The following GALR1 variants were observed in gnomAD, a reference collection of about 807,000 sequenced individuals.
GALR1 encodes the protein galanin receptor type 1.
GALR1 carries 11 observed loss-of-function variants against 17.9 expected under a neutral mutation model. That is an observed-to-expected ratio of 0.62 (90% CI 0.39 to 1.02). The LOEUF is 1.02. Ranked by LOEUF, GALR1 falls within the 50% of genes least tolerant of loss-of-function variation. The probability of loss-of-function intolerance (pLI) is 0.01; values close to 1 mark genes in which losing one functional copy is unlikely to be tolerated. For missense variants in GALR1, 441 were observed against 456.9 expected (o/e 0.97, Z 0.32); for synonymous variants, 206 against 205.7 (o/e 1.00, Z -0.01).
rs1913061713 is a variant in GALR1 at position 77,271,350 on chromosome 18, TACTC to T, written c.*2450_*2453del. 6.6e-6 allele frequency: 1 copy of T among 151,686 alleles called. No individual in the cohort carries two copies. The highest frequency in any genetic ancestry group is 6.6e-5 in the Admixed American group (1 of 15,234). 9.4% of individuals were successfully genotyped at this position (151,686 alleles called of 1,614,324 possible). A position where few individuals can be genotyped will look rare whatever the true frequency, so the allele number is the denominator to read the frequency against. On this transcript the variant is annotated 3_prime_UTR_variant, in exon 3 of 3. Transcript: ENST00000299727. ...TATTGTCATTCTAATCAATTCCTCTTACTCAGAGTTTTGGCTGAGTCTACTTCTA... is the reference window on the plus strand; with the variant it reads ...TATTGTCATTCTAATCAATTCCTCTTAGAGTTTTGGCTGAGTCTACTTCTA...
At chr18:77,258,924 A>ATGGTCATGGTGGTGATGATGG (rs1456623781) in intron 2 of GALR1, among the ~76,000 whole-genome samples, 2 of 102,514 alleles carry the variant, frequency 2.0e-5, no homozygotes, top group African/African-American at 3.8e-5. Flanking sequence ...GGTGGTGATG[A>ATGGTCATGGTGGTGATGATGG]TGGTCATGGT....
chr18:77,258,633 G>A (rs984358239), intron 2 of GALR1, among the ~76,000 whole-genome samples: 32 of 149,074 alleles, frequency 2.1e-4, no homozygotes, highest in Admixed American at 4.6e-4. Context: ...GGTGATGGTG[G>A]TGATGGTGGT....
chr18:77,256,362 T>G (rs1308259199), intron 2 of GALR1, 139 bp downstream of exon 2: 5 of 565,630 alleles, frequency 8.8e-6, no homozygotes, highest in South Asian at 7.2e-5. Context: ...GAGATGAGCC[T>G]CCCACCGTTA....
chr18:77,257,349 A>G (rs1191141980), intron 2 of GALR1, among the ~76,000 whole-genome samples: 2 of 152,236 alleles, frequency 1.3e-5, no homozygotes, highest in Non-Finnish European at 2.9e-5. Flanking sequence ...TAACCACCTA[A>G]GAATACAAGG....
At chr18:77,264,849 T>C (rs1490849563) in intron 2 of GALR1, among the ~76,000 whole-genome samples, 1 of 152,158 alleles carries the variant, frequency 6.6e-6, no homozygotes, top group African/African-American at 2.4e-5. Context: ...GAGAATAGCA[T>C]GAAGGTAACT....
chr18:77,266,048 G>GT lies in GALR1; in HGVS notation c.733-2530dup, dbSNP rs562589980. Among the ~76,000 whole-genome samples the GT allele has an allele frequency of 1.9e-3, 288 of 152,158 alleles. 1 individual carries two copies. The highest frequency in any genetic ancestry group is 5.9e-3 in the African/African-American group (245 of 41,488). ...GCTTGAATTTCTCCTCCAAAAATGC[G>GT]TTTTTTTCTTTTCTATTGCATGATC... On this transcript the variant is annotated intron_variant, in intron 2 of 2. Coordinates refer to ENST00000299727, the MANE Select transcript of GALR1 (RefSeq NM_001480.4).
At position 77,271,397 on chromosome 18, in the gene GALR1, G is replaced by A. The variant is rs1325875658; in HGVS notation, c.*2495G>A. On this transcript the variant is annotated 3_prime_UTR_variant, in exon 3 of 3. Transcript: ENST00000299727. ...TACTTCTAAAACAAATTTTGATAGG[G>A]ATAATGACATCTTCTGCAAAGATCT... 6.6e-6 allele frequency: 1 copy of A among 152,116 alleles called. No homozygotes were observed. The highest frequency in any genetic ancestry group is 1.5e-5 in the Non-Finnish European group (1 of 68,038). The allele number at this position is 152,116 out of a possible 1,614,324, so 9.4% of individuals were successfully genotyped here. A position where few individuals can be genotyped will look rare whatever the true frequency, so the allele number is the denominator to read the frequency against.
At position 77,256,200 on chromosome 18, in the gene GALR1, A is replaced by T. The variant is rs762807305; in HGVS notation, c.709A>T (p.Lys237Ter). 4 of 1,593,664 alleles carry T rather than the reference A, an allele frequency of 2.5e-6. No individual in the cohort carries two copies. Among genetic ancestry groups the T allele is most frequent in the Non-Finnish European group, 3.4e-6 (4 of 1,161,688 alleles). The change falls in exon 2 of 3, where the codon AAG becomes TAG. Residue 237 changes from lysine (K) to a stop codon, truncating the protein, a stop_gained. Transcript: ENST00000299727. LOFTEE classifies it high-confidence loss of function. ...LHKKLKNMSKKSEASKKKTAQ... is the reference protein window; with the variant it reads ...LHKKLKNMSK ...TAAAAAGTTGAAGAACATGTCAAAG[A>T]AGTCTGAAGCATCCAAGAAAAAGGT... is the stretch of plus-strand genomic sequence containing the variant.
In GALR1 at chr18:77,271,246, A is replaced by AACCCCC. The variant is rs1913055960; in HGVS notation, c.*2344_*2345insACCCCC. The AACCCCC allele has an allele frequency of 3.8e-5, 3 of 77,984 alleles. No homozygotes were observed. Among genetic ancestry groups the AACCCCC allele is most frequent in the Non-Finnish European group, 2.9e-5 (1 of 35,084 alleles). The allele number at this position is 77,984 out of a possible 1,614,324, so 4.8% of individuals were successfully genotyped here. A position where few individuals can be genotyped will look rare whatever the true frequency, so the allele number is the denominator to read the frequency against. On this transcript the variant is annotated 3_prime_UTR_variant, in exon 3 of 3. Transcript: ENST00000299727. ...CAAAAAGTAATAGCTTGCGCTTGAA[A>AACCCCC]CCCCCCCCCCCCCGCCACTTTGCTA...
rs1912493701 is a variant in GALR1 at position 77,252,974 on chromosome 18, CCACCATCACCACCAT to C, written c.666+1766_666+1780del. On this transcript the variant is annotated intron_variant, in intron 1 of 2. Coordinates refer to ENST00000299727, the MANE Select transcript of GALR1 (RefSeq NM_001480.4). ...ATCACCACCATCACCACCACCATCA[CCACCATCACCACCAT>C]CACCACCACCACCACCACCACCACC... is the stretch of plus-strand genomic sequence containing the variant. 1.3e-3 allele frequency among the ~76,000 whole-genome samples: 76 copies of C among 57,096 alleles called. 1 individual carries two copies. Among genetic ancestry groups the C allele is most frequent in the South Asian group, 2.6e-3 (5 of 1,956 alleles). 37.5% of individuals were successfully genotyped at this position (57,096 alleles called of 152,430 possible).
rs907723957 is a variant in GALR1, at chr18:77,277,252, C to G, written c.*8350C>G. ...TAATAAGGTTTGATATGGTTTGGCTCTGTGTCTCCACCCAAATCTCACCTT... is the reference window on the plus strand; with the variant it reads ...TAATAAGGTTTGATATGGTTTGGCTGTGTGTCTCCACCCAAATCTCACCTT... On this transcript the variant is annotated 3_prime_UTR_variant, in exon 3 of 3. Coordinates refer to ENST00000299727, the MANE Select transcript of GALR1 (RefSeq NM_001480.4). The G allele has an allele frequency of 6.6e-6, 1 of 152,160 alleles. No individual in the cohort carries two copies. The highest frequency in any genetic ancestry group is 1.5e-5 in the Non-Finnish European group (1 of 68,040). 9.4% of individuals were successfully genotyped at this position (152,160 alleles called of 1,614,324 possible). A position where few individuals can be genotyped will look rare whatever the true frequency, so the allele number is the denominator to read the frequency against.
At position 77,259,371 on chromosome 18, in the gene GALR1, A is replaced by AGTG. The variant is rs1373775165; in HGVS notation, c.732+3158_732+3160dup. Among the ~76,000 whole-genome samples, 23 of 118,108 alleles carry AGTG rather than the reference A, an allele frequency of 1.9e-4. 1 individual carries two copies. The highest frequency in any genetic ancestry group is 2.1e-4 in the Non-Finnish European group (12 of 56,570). 77.5% of individuals were successfully genotyped at this position (118,108 alleles called of 152,430 possible). A position where few individuals can be genotyped will look rare whatever the true frequency, so the allele number is the denominator to read the frequency against. ...GGTGGTGGATGGTGGTGGTGGTCAC[A>AGTG]GTGGTGGTGGTGTTGGTGTTGGTGG... On this transcript the variant is annotated intron_variant, in intron 2 of 2. Coordinates refer to ENST00000299727, the MANE Select transcript of GALR1 (RefSeq NM_001480.4).
chr18:77,253,893 G>A (rs1912526039), intron 1 of GALR1: 1 of 152,194 alleles, frequency 6.6e-6, no homozygotes, highest in African/African-American at 2.4e-5. Flanking sequence ...CAGTTTCTGG[G>A]AAACTCATCG....
chr18:77,260,864 TG>T (rs138563349), intron 2 of GALR1, among the ~76,000 whole-genome samples: 9,057 of 152,292 alleles, frequency 0.059, 341 homozygotes, highest in Admixed American at 0.097. Flanking sequence ...GGTTGCTTCC[TG>T]GAGAAAATTG....
intron 2 of GALR1, among the ~76,000 whole-genome samples, chr18:77,263,184 A>G (rs982460289): frequency 6.6e-6 from 1 of 152,356 alleles, no homozygotes; most frequent in East Asian, 1.9e-4. Context: ...ATTTGTAGGT[A>G]TAATTATATC....
Position 77,259,410 on chromosome 18 carries a change from T to TATGGTGGTGATGATGGTC in GALR1, c.732+3205_732+3222dup, listed in dbSNP as rs1478783832. 5.9e-5 allele frequency among the ~76,000 whole-genome samples: 4 copies of TATGGTGGTGATGATGGTC among 67,286 alleles called. 1 individual carries two copies. The highest frequency in any genetic ancestry group is 1.0e-4 in the Non-Finnish European group (3 of 29,314). 44.1% of individuals were successfully genotyped at this position (67,286 alleles called of 152,430 possible). On this transcript the variant is annotated intron_variant, in intron 2 of 2. Transcript: ENST00000299727. ...TGGTGTTGGTGGTGGTCATGGTGGT[T>TATGGTGGTGATGATGGTC]ATGGTGGTGATGATGGTCATGGTGG...
chr18:77,250,787 C>T lies in GALR1; in HGVS notation c.239C>T (p.Ala80Val). Reference protein sequence around the residue: ...TNLFILNLSIADLAYLLFCIP... With the variant: ...TNLFILNLSIVDLAYLLFCIP... ...CTGTTCATCCTCAACCTGAGCATCG[C>T]CGACCTGGCCTACCTGCTCTTCTGC... Residue 80 changes from alanine (A) to valine (V), a missense_variant, in exon 1 of 3, where the codon GCC (alanine) becomes GTC (valine). Transcript: ENST00000299727. 1 of 1,613,996 alleles carries T rather than the reference C, an allele frequency of 6.2e-7. No individual in the cohort carries two copies. Among genetic ancestry groups the T allele is most frequent in the Non-Finnish European group, 8.5e-7 (1 of 1,180,006 alleles).
chr18:77,255,244 G>T (rs960424545), intron 1 of GALR1, among the ~76,000 whole-genome samples: 1 of 152,156 alleles, frequency 6.6e-6, no homozygotes, highest in African/African-American at 2.4e-5. Flanking sequence ...TGACAGTTCT[G>T]CAGGCTTGAC....
At chr18:77,254,158 A>T (rs1053568192) in intron 1 of GALR1, among the ~76,000 whole-genome samples, 7 of 152,182 alleles carry the variant, frequency 4.6e-5, no homozygotes, top group Non-Finnish European at 7.3e-5. Flanking sequence ...CTTCCTGTGC[A>T]CACTCAGAAA....
Sources: gnomAD v4.1 joint callset for allele counts (sites outside exome capture counted in the v4.1 genomes callset) on GRCh38, gnomAD v4.1.1 for gene constraint, MANE v1.5 for transcripts, NCBI Gene and HGNC (gene_info 2026-07-23, HGNC 2026-07-21) for gene names.